Variants in SOAT1 observed in about 807,000 individuals in gnomAD.
SOAT1 encodes the protein acyl-coenzyme A:cholesterol acyltransferase 1.
SOAT1 carries 55 observed loss-of-function variants against 69.5 expected under a neutral mutation model. That is an observed-to-expected ratio of 0.79 (90% CI 0.64 to 0.99). SOAT1 has a LOEUF of 0.99. SOAT1 is among the 50% of genes least tolerant of loss of function. The pLI is 0.00. For missense variants in SOAT1, 580 were observed against 669.3 expected (o/e 0.87, Z 1.47); for synonymous variants, 231 against 224.7 (o/e 1.03, Z -0.25).
At chr1:179,324,652 AT>A (rs1229445385) in intron 3 of SOAT1, among the ~76,000 whole-genome samples, 2 of 152,238 alleles carry the variant, frequency 1.3e-5, no homozygotes, top group African/African-American at 4.8e-5. Context: ...GATGAAGATC[AT>A]TTCTGATGAA....
Position 179,354,730 on chromosome 1 carries a change from T to C in SOAT1, c.*1089T>C, listed in dbSNP as rs1299131531. On this transcript the variant is annotated 3_prime_UTR_variant, in exon 16 of 16. Coordinates refer to ENST00000367619, the MANE Select transcript of SOAT1 (RefSeq NM_003101.6). Reference sequence around the variant, plus strand: ...TAGGTGGAATAAATTAATATGTGATTGGTTTCAAGGAAATGTACTCTATTA... The same window carrying C: ...TAGGTGGAATAAATTAATATGTGATCGGTTTCAAGGAAATGTACTCTATTA... 2.0e-5 allele frequency: 3 copies of C among 152,184 alleles called. No homozygotes were observed. In the East Asian group the frequency reaches 5.8e-4, roughly 29 times the overall value. The allele number at this position is 152,184 out of a possible 1,614,324, so 9.4% of individuals were successfully genotyped here. A position where few individuals can be genotyped will look rare whatever the true frequency, so the allele number is the denominator to read the frequency against.
intron 2 of SOAT1, among the ~76,000 whole-genome samples, chr1:179,321,179 T>G (rs1665588253): frequency 6.6e-6 from 1 of 152,134 alleles, no homozygotes; most frequent in Admixed American, 6.5e-5. Context: ...GTGCTGGGAT[T>G]ACACACATGA....
chr1:179,320,178 G>A (rs1665546118), intron 2 of SOAT1, among the ~76,000 whole-genome samples: 1 of 151,944 alleles, frequency 6.6e-6, no homozygotes, highest in African/African-American at 2.4e-5. Context: ...TATATTTTTA[G>A]GTATTTGATC....
At chr1:179,339,607 AT>A in intron 6 of SOAT1, 62 bp downstream of exon 6, 1 of 1,114,356 alleles carries the variant, frequency 9.0e-7, no homozygotes. Flanking sequence ...TTTTCACTAA[AT>A]TTTGGTAAAG....
chr1:179,343,502 C>T, intron 9 of SOAT1, 88 bp from the exon 10 acceptor site: 1 of 1,211,168 alleles, frequency 8.3e-7, no homozygotes. Context: ...AGCCACCGCG[C>T]CTGACCAAAA....
chr1:179,316,735 C>T (rs901793805), intron 2 of SOAT1, among the ~76,000 whole-genome samples: 2 of 152,228 alleles, frequency 1.3e-5, no homozygotes, highest in East Asian at 1.9e-4. Flanking sequence ...TTGACTTTAT[C>T]CTAGAATTTG....
chr1:179,344,966 A>G lies in SOAT1; in HGVS notation c.1007A>G (p.Tyr336Cys), dbSNP rs968954376. Residue 336 changes from tyrosine (Y) to cysteine (C), a missense_variant, in exon 11 of 16, where the codon TAT (tyrosine) becomes TGT (cysteine). Tyr to Cys is a radical substitution (Grantham distance 194). Transcript: ENST00000367619. ...TTCCAGGTCTTTGGTTGCTTTTTCT[A>G]TGTGTACTACATCTTTGAAAGGCTT... ...KFAQVFGCFF[Y>C]VYYIFERLCA... The G allele has an allele frequency of 6.5e-5, 105 of 1,613,858 alleles. No individual in the cohort carries two copies. Among genetic ancestry groups the G allele is most frequent in the Non-Finnish European group, 7.9e-5 (93 of 1,179,960 alleles).
chr1:179,320,317 T>G (rs188819616), intron 2 of SOAT1, among the ~76,000 whole-genome samples: 2 of 152,304 alleles, frequency 1.3e-5, no homozygotes, highest in Admixed American at 6.5e-5. Flanking sequence ...CTTGGCACCC[T>G]TTTCGAAAAT....
At chr1:179,349,176 T>C (rs1427873427) in intron 13 of SOAT1, among the ~76,000 whole-genome samples, 1 of 152,150 alleles carries the variant, frequency 6.6e-6, no homozygotes, top group African/African-American at 2.4e-5. Flanking sequence ...TTGCTCTGAA[T>C]TTTATCTTAC....
intron 5 of SOAT1, among the ~76,000 whole-genome samples, chr1:179,339,005 C>G (rs1223627419): frequency 6.6e-6 from 1 of 152,054 alleles, no homozygotes. Flanking sequence ...TTAGACCAGT[C>G]TTAAATACAA....
intron 11 of SOAT1, 112 bp downstream of exon 11, chr1:179,345,188 T>C: frequency 1.0e-6 from 1 of 976,460 alleles, no homozygotes; most frequent in South Asian, 1.5e-5. Flanking sequence ...CTTCTATACA[T>C]CTATGCCCAT....
intron 3 of SOAT1, among the ~76,000 whole-genome samples, chr1:179,334,281 G>C (rs1045030778): frequency 3.3e-5 from 5 of 152,286 alleles, no homozygotes; most frequent in African/African-American, 1.2e-4. Flanking sequence ...TTAGAAGTTA[G>C]AAGTTATATT....
intron 1 of SOAT1, among the ~76,000 whole-genome samples, chr1:179,297,581 C>T (rs549919401): frequency 3.3e-5 from 5 of 151,846 alleles, no homozygotes; most frequent in Admixed American, 2.6e-4. Flanking sequence ...GTGATCCACC[C>T]GCCTCAGCCT....
intron 11 of SOAT1, among the ~76,000 whole-genome samples, 197 bp from the exon 12 acceptor site, chr1:179,347,402 AC>A (rs1349320664): frequency 2.0e-5 from 3 of 151,526 alleles, no homozygotes; most frequent in African/African-American, 7.3e-5. Context: ...CATTTGTTGA[AC>A]CCACTTTGAA....
chr1:179,296,240 A>G (rs2124926560), intron 1 of SOAT1, among the ~76,000 whole-genome samples: 1 of 152,194 alleles, frequency 6.6e-6, no homozygotes, highest in Middle Eastern at 3.4e-3. Context: ...AAGAGGTGGG[A>G]TTACAGGCGT....
At chr1:179,342,323 TTCTCTC>T (rs750083951) in intron 8 of SOAT1, 131 bp downstream of exon 8, 18 of 569,656 alleles carry the variant, frequency 3.2e-5, no homozygotes, top group Non-Finnish European at 4.6e-5. Context: ...CTCTTTCTCT[TTCTCTC>T]TCTCTCTCTT....
intron 2 of SOAT1, among the ~76,000 whole-genome samples, chr1:179,303,487 G>A (rs1664903959): frequency 6.6e-6 from 1 of 152,166 alleles, no homozygotes; most frequent in South Asian, 2.1e-4. Context: ...ATTTCAACAA[G>A]GATTTGAAAA....
At chr1:179,309,489 A>G (rs1665146926) in intron 2 of SOAT1, among the ~76,000 whole-genome samples, 1 of 152,174 alleles carries the variant, frequency 6.6e-6, no homozygotes, top group African/African-American at 2.4e-5. Context: ...TATATTCCTA[A>G]CTATACTGTT....
chr1:179,356,465 C>CA lies in SOAT1; in HGVS notation c.*2824_*2825insA, dbSNP rs1666908468. ...AATTTAATTAGAAAACTGAGGCTGCCTTTTTTTTTTTTTTTTTTTTTTTTT... is the reference window on the plus strand; with the variant it reads ...AATTTAATTAGAAAACTGAGGCTGCCATTTTTTTTTTTTTTTTTTTTTTTTT... On this transcript the variant is annotated 3_prime_UTR_variant, in exon 16 of 16. Coordinates refer to ENST00000367619, the MANE Select transcript of SOAT1 (RefSeq NM_003101.6). The CA allele has an allele frequency of 1.7e-5, 1 of 60,442 alleles. No homozygotes were observed. The highest frequency in any genetic ancestry group is 5.5e-4 in the South Asian group (1 of 1,830). 3.7% of individuals were successfully genotyped at this position (60,442 alleles called of 1,614,324 possible).
Sources: gnomAD v4.1 joint callset for allele counts (sites outside exome capture counted in the v4.1 genomes callset) on GRCh38, gnomAD v4.1.1 for gene constraint, MANE v1.5 for transcripts, NCBI Gene and HGNC (gene_info 2026-07-23, HGNC 2026-07-21) for gene names.